MYCBP2: variants seen among roughly 807,000 people sequenced by gnomAD.
The protein encoded by MYCBP2 is E3 ubiquitin-protein ligase MYCBP2.
Under a neutral mutation model 525.3 loss-of-function variants are expected in MYCBP2, and 120 were observed. The observed-to-expected ratio is 0.23, with a 90% CI of 0.20 to 0.27. The LOEUF (loss-of-function observed/expected upper bound fraction) is 0.27. Ranked by LOEUF, MYCBP2 falls within the 10% of genes least tolerant of loss-of-function variation. The pLI, the probability that MYCBP2 is intolerant of heterozygous loss-of-function variation, is 1.00. For synonymous variants in MYCBP2, 1,894 were observed against 1,955.8 expected (o/e 0.97, Z 0.83); for missense variants, 4,149 against 5,657.1 (o/e 0.73, Z 8.55).
At chr13:77,143,449 G>A (rs766848010) in intron 49 of MYCBP2, among the ~76,000 whole-genome samples, 44 of 152,158 alleles carry the variant, frequency 2.9e-4, no homozygotes, top group Non-Finnish European at 5.3e-4. Flanking sequence ...CCAGCATTTA[G>A]ACTCCAGGAC....
chr13:77,139,224 A>G lies in MYCBP2; in HGVS notation c.7631T>C (p.Leu2544Pro). The change falls in exon 52 of 83, where the codon CTT (leucine) becomes CCT (proline). Residue 2544 changes from leucine (L) to proline (P), a missense_variant. By Grantham distance (98) the Leu-to-Pro change is moderately conservative. Around this residue, in one of 21 missense-constraint regions of MYCBP2, gnomAD observed 692 missense variants for 852.7 expected, o/e 0.81. Transcript: ENST00000544440. Reference protein sequence around the residue: ...EAWCLSFNQHLGKSLLVPVDE... With the variant: ...EAWCLSFNQHPGKSLLVPVDE... ...AACAGGGACCAGAAGACTCTTGCCA[A>G]GATGTTGATTAAAAGAGAGGCACCA... The G allele has an allele frequency of 6.2e-7, 1 of 1,613,828 alleles. No individual in the cohort carries two copies.
At chr13:77,248,306 A>G (rs1403668448) in intron 15 of MYCBP2, among the ~76,000 whole-genome samples, 2 of 152,274 alleles carry the variant, frequency 1.3e-5, no homozygotes, top group South Asian at 4.1e-4. Context: ...TGAAAAGACA[A>G]CATCAACAGA....
chr13:77,322,999 T>C (rs2081871297), intron 1 of MYCBP2, among the ~76,000 whole-genome samples: 1 of 152,184 alleles, frequency 6.6e-6, no homozygotes, highest in Non-Finnish European at 1.5e-5. Flanking sequence ...TTGCCTTCTC[T>C]TCAAGTCCCC....
chr13:77,082,144 C>G (rs1168121309), intron 63 of MYCBP2, 151 bp from the exon 64 acceptor site: 1 of 674,762 alleles, frequency 1.5e-6, no homozygotes, highest in Non-Finnish European at 2.3e-6. Context: ...AAAATCATTC[C>G]TATTGTTTTT....
intron 37 of MYCBP2, among the ~76,000 whole-genome samples, 177 bp from the exon 38 acceptor site, chr13:77,171,811 G>A (rs1195722115): frequency 6.6e-6 from 1 of 152,154 alleles, no homozygotes; most frequent in Non-Finnish European, 1.5e-5. Context: ...GAAAAACAAA[G>A]CAGCATAGGG....
At chr13:77,199,347 G>A (rs901846127) in intron 26 of MYCBP2, among the ~76,000 whole-genome samples, 4 of 152,196 alleles carry the variant, frequency 2.6e-5, no homozygotes, top group East Asian at 1.9e-4. Context: ...CTTAAAAAAC[G>A]GCACACCAGG....
intron 31 of MYCBP2, 22 bp from the exon 32 acceptor site, chr13:77,185,399 T>C (rs776490378): frequency 3.1e-6 from 5 of 1,596,464 alleles, no homozygotes; most frequent in Middle Eastern, 1.7e-4. Context: ...AAAAAGCAGA[T>C]TGGTAATTAA....
At position 77,257,104 on chromosome 13, in the gene MYCBP2, T is replaced by C. The variant is rs117725397; in HGVS notation, c.2176+567A>G. Among the ~76,000 whole-genome samples, 257 of 152,136 alleles carry C rather than the reference T, an allele frequency of 1.7e-3. 6 individuals are homozygous for C. In the East Asian group the frequency reaches 0.042, roughly 25 times the overall value. ...CAACAACAAGGATGTAACTGGAGGA[T>C]ATTATGTTAAGTGAAAGAAGCCAGG... On this transcript the variant is annotated intron_variant, in intron 14 of 82. Coordinates refer to ENST00000544440, the MANE Select transcript of MYCBP2 (RefSeq NM_015057.5).
At chr13:77,275,677 A>T (rs1393901291) in intron 4 of MYCBP2, among the ~76,000 whole-genome samples, 3 of 152,240 alleles carry the variant, frequency 2.0e-5, no homozygotes, top group African/African-American at 4.8e-5. Context: ...TAAATAAAAA[A>T]TTTTTAAGTT....
intron 26 of MYCBP2, among the ~76,000 whole-genome samples, chr13:77,194,656 T>A (rs747099028): frequency 2.0e-5 from 3 of 152,116 alleles, no homozygotes; most frequent in African/African-American, 7.2e-5. Context: ...ACTGAGATCC[T>A]GGGACCTAGT....
At chr13:77,102,643 T>C (rs146085601) in intron 55 of MYCBP2, among the ~76,000 whole-genome samples, 102 of 151,636 alleles carry the variant, frequency 6.7e-4, no homozygotes, top group African/African-American at 2.2e-3. Context: ...TATTAAAACT[T>C]AGTCACTAGG....
In MYCBP2 at chr13:77,171,669, T is replaced by C. The variant is rs1489144357; in HGVS notation, c.5652-35A>G. The stretch of plus-strand genomic sequence containing the variant: ...GAGCAAACATGAGATTATTTTACAA[T>C]GGTAAGTAAAACATGATCCAGTGCC... On this transcript the variant is annotated intron_variant, in intron 37 of 82. Transcript: ENST00000544440. 5.6e-6 allele frequency: 9 copies of C among 1,603,586 alleles called. No homozygotes were observed. In the South Asian group the frequency reaches 6.6e-5, roughly 12 times the overall value.
In MYCBP2 at chr13:77,081,451, G is replaced by A. The variant is rs61749886; in HGVS notation, c.11394C>T (p.His3798=). Residue 3798 remains histidine (H), a synonymous_variant, in exon 65 of 83, where the codon CAC becomes CAT. Transcript: ENST00000544440. This position sits in a 1 kb window ranked among gnomAD's most constrained non-coding sequence, Gnocchi z 4.6. Reference sequence around the variant, plus strand: ...CCCCAAGATCTCGGGAATTGTCCACGTGAACAGACACATAGCGGGCATTGA... The same window carrying A: ...CCCCAAGATCTCGGGAATTGTCCACATGAACAGACACATAGCGGGCATTGA... ...KGINARYVSV[H]VDNSRDLGNK... The A allele has an allele frequency of 1.5e-5, 24 of 1,612,174 alleles. No individual in the cohort carries two copies. The East Asian group carries it at 2.7e-4, about 18-fold the overall frequency.
At chr13:77,103,201 A>G in intron 55 of MYCBP2, 1 of 397,828 alleles carries the variant, frequency 2.5e-6, no homozygotes, top group Non-Finnish European at 4.4e-6. Context: ...GAATGCATGT[A>G]TACCCACCCT....
chr13:77,161,854 T>C (rs1293451300), intron 44 of MYCBP2, 52 bp downstream of exon 44: 7 of 1,385,508 alleles, frequency 5.1e-6, no homozygotes, highest in Non-Finnish European at 6.1e-6. Flanking sequence ...TGAGTGACAA[T>C]ACTTTTTAAA....
intron 17 of MYCBP2, among the ~76,000 whole-genome samples, chr13:77,242,569 G>A (rs1453856208): frequency 6.6e-6 from 1 of 152,170 alleles, no homozygotes; most frequent in Non-Finnish European, 1.5e-5. Context: ...AAGGACACAT[G>A]AAAGCATAGT....
intron 17 of MYCBP2, among the ~76,000 whole-genome samples, chr13:77,241,226 T>C (rs2068770330): frequency 6.6e-6 from 1 of 152,230 alleles, no homozygotes; most frequent in Non-Finnish European, 1.5e-5. Context: ...TGTCAAGTTA[T>C]CAATGCACGA....
At chr13:77,313,531 T>G (rs1203360767) in intron 1 of MYCBP2, among the ~76,000 whole-genome samples, 4 of 151,976 alleles carry the variant, frequency 2.6e-5, no homozygotes, top group African/African-American at 9.7e-5. Context: ...TATAAAACTC[T>G]TAGAAAATAA....
intron 30 of MYCBP2, among the ~76,000 whole-genome samples, 189 bp downstream of exon 30, chr13:77,188,762 A>G (rs138539756): frequency 6.6e-6 from 1 of 152,366 alleles, no homozygotes; most frequent in Admixed American, 6.5e-5. Flanking sequence ...ATCATAGGCC[A>G]ACACCTCCAT....
Sources: gnomAD v4.1 joint callset for allele counts (sites outside exome capture counted in the v4.1 genomes callset) on GRCh38, gnomAD v4.1.1 for gene constraint, gnomAD v4.1.1 regional missense constraint, Gnocchi (gnomAD v3.1) non-coding constraint, MANE v1.5 for transcripts, NCBI Gene and HGNC (gene_info 2026-07-23, HGNC 2026-07-21) for gene names.